MYL10: variants seen among roughly 807,000 people sequenced by gnomAD.
MYL10 encodes the protein myosin regulatory light chain 10.
In MYL10, 18 loss-of-function variants were observed where a neutral mutation model predicts 21.9. The observed-to-expected ratio is 0.82, with a 90% CI of 0.57 to 1.22. MYL10 has a LOEUF of 1.22. Ranked by LOEUF, MYL10 falls within the 50% of genes most tolerant of loss-of-function variation. The pLI is 0.00. For synonymous variants in MYL10, 88 were observed against 82.8 expected (o/e 1.06, Z -0.34); for missense variants, 225 against 230.4 (o/e 0.98, Z 0.15).
intron 1 of MYL10, among the ~76,000 whole-genome samples, chr7:101,626,316 C>T (rs1016655418): frequency 6.6e-6 from 1 of 152,206 alleles, no homozygotes; most frequent in African/African-American, 2.4e-5. Context: ...CTGAATCAGG[C>T]CCCGTCTTGG....
chr7:101,616,278 T>A lies in MYL10; in HGVS notation c.475A>T (p.Ile159Phe). The change falls in exon 6 of 8, where the codon ATT (isoleucine) becomes TTT (phenylalanine). Residue 159 changes from isoleucine (I) to phenylalanine (F), a missense_variant. Coordinates refer to ENST00000223167, the MANE Select transcript of MYL10 (RefSeq NM_138403.5). ...TCGAACACTTTGAAGGCGTGGAGAA[T>A]GGTCTCCTCTGGGTCCGTGCCTATA... ...KLKGTDPEET[I>F]LHAFKVFDTE... 1 of 1,614,086 alleles carries A rather than the reference T, an allele frequency of 6.2e-7. No individual in the cohort carries two copies. The highest frequency in any genetic ancestry group is 1.1e-5 in the South Asian group (1 of 91,082).
intron 5 of MYL10, among the ~76,000 whole-genome samples, chr7:101,618,442 C>G (rs1362068832): frequency 6.6e-6 from 1 of 152,208 alleles, no homozygotes; most frequent in East Asian, 1.9e-4. Flanking sequence ...ACTGCTGAGG[C>G]AGGTTTGTGG....
chr7:101,621,304 T>C (rs977195045), intron 5 of MYL10, among the ~76,000 whole-genome samples: 1 of 152,150 alleles, frequency 6.6e-6, no homozygotes, highest in African/African-American at 2.4e-5. Context: ...GCAGGGGTCG[T>C]GACTCCTCTG....
Position 101,616,308 on chromosome 7 carries a change from G to A in MYL10, c.455-10C>T. 1 of 1,611,034 alleles carries A rather than the reference G, an allele frequency of 6.2e-7. No individual in the cohort carries two copies. The highest frequency in any genetic ancestry group is 8.5e-7 in the Non-Finnish European group (1 of 1,177,252). Reference sequence around the variant, plus strand: ...TCCTCTGGGTCCGTGCCTATAAGCAGCACATACAGGGCAGGGAGAGAGGCA... The same window carrying A: ...TCCTCTGGGTCCGTGCCTATAAGCAACACATACAGGGCAGGGAGAGAGGCA... On this transcript the variant is annotated splice_polypyrimidine_tract_variant and intron_variant, in intron 5 of 7. Transcript: ENST00000223167.
intron 1 of MYL10, among the ~76,000 whole-genome samples, chr7:101,626,348 C>A (rs550618008): frequency 1.3e-5 from 2 of 152,188 alleles, no homozygotes; most frequent in Non-Finnish European, 2.9e-5. Flanking sequence ...ATCACAGTCC[C>A]GCTGGTGACA....
At chr7:101,622,914 G>C in intron 4 of MYL10, 83 bp downstream of exon 4, 1 of 1,306,248 alleles carries the variant, frequency 7.7e-7, no homozygotes, top group East Asian at 2.4e-5. Context: ...CACGCTCACC[G>C]CGAGCCCTGC....
chr7:101,619,445 G>A (rs1796650054), intron 5 of MYL10, among the ~76,000 whole-genome samples: 1 of 152,174 alleles, frequency 6.6e-6, no homozygotes, highest in South Asian at 2.1e-4. Flanking sequence ...CCTTCCTTCT[G>A]GCTCTGGATC....
Position 101,629,207 on chromosome 7 carries a change from T to C in MYL10, c.-89A>G, listed in dbSNP as rs1796780247. 3.2e-6 allele frequency: 1 copy of C among 317,390 alleles called. No individual in the cohort carries two copies. Among genetic ancestry groups the C allele is most frequent in the Non-Finnish European group, 6.2e-6 (1 of 162,502 alleles). 19.7% of individuals were successfully genotyped at this position (317,390 alleles called of 1,614,324 possible). ...AAGTGAAAAAGTTCCCTTATCCCGTTCATAGGGCATGCGATGGGGGTGTGG... is the reference window on the plus strand; with the variant it reads ...AAGTGAAAAAGTTCCCTTATCCCGTCCATAGGGCATGCGATGGGGGTGTGG... On this transcript the variant is annotated 5_prime_UTR_variant, in exon 1 of 8. Transcript: ENST00000223167.
chr7:101,623,140 T>C (rs1218197102), intron 3 of MYL10, 68 bp from the exon 4 acceptor site: 1 of 1,466,876 alleles, frequency 6.8e-7, no homozygotes, highest in African/African-American at 1.4e-5. Context: ...CCAGGGACCG[T>C]CCTCCTGCCG....
At chr7:101,624,907 C>G (rs910549519) in intron 1 of MYL10, among the ~76,000 whole-genome samples, 1 of 152,106 alleles carries the variant, frequency 6.6e-6, no homozygotes, top group Non-Finnish European at 1.5e-5. Flanking sequence ...CTCCGAGAAG[C>G]CTTCCCTGAC....
intron 2 of MYL10, 73 bp downstream of exon 2, chr7:101,624,099 C>A: frequency 1.2e-6 from 1 of 864,970 alleles, no homozygotes; most frequent in South Asian, 1.4e-5. Context: ...GACTGAGCCT[C>A]TGCCCAGCTC....
rs568837626 is a variant in MYL10 at position 101,626,380 on chromosome 7, C to G, written c.79-2116G>C. ...GACAGGCAGTCCATAGAGGCTGACTCGGAGGAGGGACAAGCGCTGAGAAGA... is the reference window on the plus strand; with the variant it reads ...GACAGGCAGTCCATAGAGGCTGACTGGGAGGAGGGACAAGCGCTGAGAAGA... On this transcript the variant is annotated intron_variant, in intron 1 of 7. Transcript: ENST00000223167. 5.3e-5 allele frequency among the ~76,000 whole-genome samples: 8 copies of G among 152,282 alleles called. No homozygotes were observed. In the East Asian group the frequency reaches 1.4e-3, roughly 26 times the overall value.
intron 1 of MYL10, chr7:101,627,554 C>T (rs538003826): frequency 6.5e-6 from 1 of 152,730 alleles, no homozygotes; most frequent in Non-Finnish European, 1.5e-5. Flanking sequence ...AGTGGTCCTC[C>T]CAGGGCCCCT....
At chr7:101,622,319 C>T (rs1796689985) in intron 4 of MYL10, 119 bp from the exon 5 acceptor site, 1 of 682,858 alleles carries the variant, frequency 1.5e-6, no homozygotes, top group African/African-American at 1.8e-5. Context: ...AGCCCTAAGG[C>T]CCTGACGCCT....
In MYL10 at chr7:101,624,219, T is replaced by C; in HGVS notation, c.124A>G (p.Asn42Asp). ...RKRAEGTASS[N>D]VFSMFDQSQI... ...GACTGATCAAACATGGAGAAGACGT[T>C]GGAGCTGGCGGTGCCTTCTGCTCTT... The change falls in exon 2 of 8, where the codon AAC (asparagine) becomes GAC (aspartate). Residue 42 changes from asparagine (N) to aspartate (D), a missense_variant. Coordinates refer to ENST00000223167, the MANE Select transcript of MYL10 (RefSeq NM_138403.5). The C allele has an allele frequency of 2.5e-6, 4 of 1,613,844 alleles. No homozygotes were observed. Among genetic ancestry groups the C allele is most frequent in the Non-Finnish European group, 3.4e-6 (4 of 1,179,920 alleles).
At chr7:101,619,342 G>T (rs149566842) in intron 5 of MYL10, among the ~76,000 whole-genome samples, 54 of 152,180 alleles carry the variant, frequency 3.5e-4, no homozygotes, top group African/African-American at 1.3e-3. Context: ...CTCCTGATTC[G>T]GCTACACAGC....
At chr7:101,627,296 C>G (rs976727349) in intron 1 of MYL10, among the ~76,000 whole-genome samples, 1 of 120,678 alleles carries the variant, frequency 8.3e-6, no homozygotes, top group Non-Finnish European at 1.6e-5. Flanking sequence ...GAGATTCTGT[C>G]TAAAAAAGAA....
Position 101,613,448 on chromosome 7 carries a change from C to T in MYL10, c.*27G>A, listed in dbSNP as rs1304838785. The T allele has an allele frequency of 1.3e-6, 2 of 1,598,710 alleles. No homozygotes were observed. Among genetic ancestry groups the T allele is most frequent in the Non-Finnish European group, 1.7e-6 (2 of 1,165,898 alleles). The stretch of plus-strand genomic sequence containing the variant: ...CACCCCACAACAGTGTTTGCTGCCC[C>T]TGAATGTCGGGGAGACTTGTGATCC... On this transcript the variant is annotated 3_prime_UTR_variant, in exon 8 of 8. Coordinates refer to ENST00000223167, the MANE Select transcript of MYL10 (RefSeq NM_138403.5).
intron 5 of MYL10, among the ~76,000 whole-genome samples, chr7:101,620,858 G>C (rs377218875): frequency 6.7e-6 from 1 of 149,288 alleles, no homozygotes; most frequent in African/African-American, 2.5e-5. Flanking sequence ...GCACCATCTC[G>C]GCTCACGGCA....
Sources: gnomAD v4.1 joint callset for allele counts (sites outside exome capture counted in the v4.1 genomes callset) on GRCh38, gnomAD v4.1.1 for gene constraint, MANE v1.5 for transcripts, NCBI Gene and HGNC (gene_info 2026-07-23, HGNC 2026-07-21) for gene names.